CCSER1: variants seen among roughly 807,000 people sequenced by gnomAD.
CCSER1 encodes coiled-coil serine rich protein 1, also known as serine-rich coiled-coil domain-containing protein 1.
In CCSER1, 41 loss-of-function variants were observed where a neutral mutation model predicts 82.0. The observed-to-expected ratio is 0.50, with a 90% CI of 0.39 to 0.65. The LOEUF (loss-of-function observed/expected upper bound fraction) is 0.65. Ranked by LOEUF, CCSER1 falls within the 30% of genes least tolerant of loss-of-function variation. The pLI is 0.00. For missense variants in CCSER1, 1,119 were observed against 1,064.2 expected (o/e 1.05, Z -0.72); for synonymous variants, 414 against 383.9 (o/e 1.08, Z -0.92).
Position 90,950,476 on chromosome 4 carries a change from A to T in CCSER1, c.2172+27029A>T, listed in dbSNP as rs1000498623. On this transcript the variant is annotated intron_variant, in intron 9 of 10. Coordinates refer to ENST00000509176, the MANE Select transcript of CCSER1 (RefSeq NM_001145065.2). The stretch of plus-strand genomic sequence containing the variant: ...TAATATCATCACCTACTAATCAAAT[A>T]TAGAAACTCTTAAAACAAAACATAC... Among the ~76,000 whole-genome samples the T allele has an allele frequency of 1.3e-5, 2 of 152,200 alleles. 1 individual carries two copies. Among genetic ancestry groups the T allele is most frequent in the Admixed American group, 1.3e-4 (2 of 15,274 alleles).
At chr4:90,654,247 A>G (rs193056350) in intron 6 of CCSER1, among the ~76,000 whole-genome samples, 32 of 152,202 alleles carry the variant, frequency 2.1e-4, no homozygotes, top group Admixed American at 2.0e-3. Context: ...ATTTAACAAC[A>G]CTTAATTATT....
intron 4 of CCSER1, among the ~76,000 whole-genome samples, chr4:90,465,586 T>A (rs192171982): frequency 4.6e-5 from 7 of 152,312 alleles, no homozygotes; most frequent in Non-Finnish European, 7.3e-5. Context: ...ACCTGGTCTA[T>A]TTTTTATAAA....
intron 1 of CCSER1, among the ~76,000 whole-genome samples, chr4:90,206,475 C>A (rs943282919): frequency 4.6e-5 from 7 of 152,072 alleles, no homozygotes; most frequent in African/African-American, 1.7e-4. Context: ...CTTTCAGGAG[C>A]AGGTTGTTCA....
At chr4:90,555,779 C>T (rs995740393) in intron 5 of CCSER1, among the ~76,000 whole-genome samples, 1 of 151,816 alleles carries the variant, frequency 6.6e-6, no homozygotes, top group African/African-American at 2.4e-5. Flanking sequence ...ACATTATGTT[C>T]AATACATATC....
At position 90,949,553 on chromosome 4, in the gene CCSER1, T is replaced by C. The variant is rs191867024; in HGVS notation, c.2172+26106T>C. ...TTAACTAAATTCCCAACTGGAGTTA[T>C]AGGTTTTGTTTTCATGTGATATATG... On this transcript the variant is annotated intron_variant, in intron 9 of 10. Coordinates refer to ENST00000509176, the MANE Select transcript of CCSER1 (RefSeq NM_001145065.2). Among the ~76,000 whole-genome samples the C allele has an allele frequency of 4.6e-5, 7 of 152,192 alleles. No homozygotes were observed. In the East Asian group the frequency reaches 7.7e-4, roughly 17 times the overall value.
At chr4:91,291,212 A>C (rs1743718985) in intron 10 of CCSER1, among the ~76,000 whole-genome samples, 1 of 151,972 alleles carries the variant, frequency 6.6e-6, no homozygotes, top group South Asian at 2.1e-4. Context: ...GATAACATAA[A>C]TTAAAGTCAA....
intron 10 of CCSER1, among the ~76,000 whole-genome samples, chr4:91,201,251 G>A (rs1006345648): frequency 6.6e-6 from 1 of 152,052 alleles, no homozygotes; most frequent in African/African-American, 2.4e-5. Context: ...ACTGGAGCTG[G>A]CTGGCTTAGG....
intron 10 of CCSER1, among the ~76,000 whole-genome samples, chr4:91,409,336 A>G (rs1362204392): frequency 6.6e-6 from 1 of 152,084 alleles, no homozygotes; most frequent in Non-Finnish European, 1.5e-5. Context: ...CTTGATTTAC[A>G]TATTTTTGCT....
intron 10 of CCSER1, among the ~76,000 whole-genome samples, chr4:91,154,671 C>A (rs1730623066): frequency 6.6e-6 from 1 of 151,912 alleles, no homozygotes. Context: ...GAACCTTTTT[C>A]CCAGACATTC....
chr4:90,706,800 A>T (rs756723618), intron 6 of CCSER1, among the ~76,000 whole-genome samples: 2 of 152,194 alleles, frequency 1.3e-5, no homozygotes, highest in Non-Finnish European at 2.9e-5. Flanking sequence ...TTGTAAATTG[A>T]TTAGCTTGTC....
At chr4:90,155,851 G>GT (rs1338806605) in intron 1 of CCSER1, among the ~76,000 whole-genome samples, 1 of 151,168 alleles carries the variant, frequency 6.6e-6, no homozygotes, top group Non-Finnish European at 1.5e-5. Flanking sequence ...TTTTTGAAGG[G>GT]TTTTTTGTGT....
At chr4:90,765,756 C>G (rs1751129109) in intron 7 of CCSER1, among the ~76,000 whole-genome samples, 1 of 152,098 alleles carries the variant, frequency 6.6e-6, no homozygotes, top group African/African-American at 2.4e-5. Context: ...ATAGGCCAGA[C>G]TGATACATTG....
chr4:91,010,319 T>C (rs2150500586), intron 9 of CCSER1, among the ~76,000 whole-genome samples: 1 of 152,338 alleles, frequency 6.6e-6, no homozygotes, highest in East Asian at 1.9e-4. Context: ...CTTGATGTGT[T>C]TCTCTTGCTT....
At chr4:91,063,206 T>A (rs1744102640) in intron 9 of CCSER1, among the ~76,000 whole-genome samples, 1 of 152,112 alleles carries the variant, frequency 6.6e-6, no homozygotes, top group African/African-American at 2.4e-5. Context: ...CCCCTCTACT[T>A]ACTTTGCTTA....
intron 1 of CCSER1, among the ~76,000 whole-genome samples, chr4:90,210,450 CTTTTTTTTTTT>C (rs11438395): frequency 7.1e-6 from 1 of 141,284 alleles, no homozygotes; most frequent in South Asian, 2.2e-4. Context: ...CTTTTCTTTT[CTTTTTTTTTTT>C]TGGACAGGAT....
chr4:90,169,702 G>T (rs1045095359), intron 1 of CCSER1, among the ~76,000 whole-genome samples: 24 of 151,970 alleles, frequency 1.6e-4, no homozygotes, highest in Non-Finnish European at 1.3e-4. Flanking sequence ...GTTTTATTGT[G>T]GAGCATATGA....
chr4:91,008,384 A>G (rs1738704955), intron 9 of CCSER1, among the ~76,000 whole-genome samples: 1 of 152,242 alleles, frequency 6.6e-6, no homozygotes, highest in African/African-American at 2.4e-5. Context: ...AGGTGCTTCA[A>G]TGTTGAGAGC....
chr4:91,521,741 T>A (rs1463111503), intron 10 of CCSER1, among the ~76,000 whole-genome samples: 1 of 152,246 alleles, frequency 6.6e-6, no homozygotes, highest in African/African-American at 2.4e-5. Context: ...GATATTTTCT[T>A]GTAAATTTGT....
intron 5 of CCSER1, among the ~76,000 whole-genome samples, chr4:90,533,386 C>T (rs914072125): frequency 5.3e-5 from 8 of 152,180 alleles, no homozygotes; most frequent in African/African-American, 1.9e-4. Context: ...TGAGCCACTG[C>T]TCCTGGCCTC....
Sources: allele counts gnomAD v4.1 joint callset (sites outside exome capture counted in the v4.1 genomes callset), GRCh38; gene constraint gnomAD v4.1.1; transcripts MANE v1.5; gene names NCBI Gene and HGNC (gene_info 2026-07-23, HGNC 2026-07-21).